Variants in RB1CC1 observed in about 807,000 individuals in gnomAD.
RB1CC1 encodes the protein RB1 inducible coiled-coil 1.
In RB1CC1, 46 loss-of-function variants were observed where a neutral mutation model predicts 177.5. The ratio of observed to expected loss-of-function variants is 0.26; its 90% CI spans 0.20 to 0.33. RB1CC1 has a LOEUF of 0.33. Among genes scored for constraint, RB1CC1 ranks in the 10% least tolerant of loss-of-function variants. RB1CC1 has a pLI of 1.00. For synonymous variants in RB1CC1, 666 were observed against 613.6 expected, an observed-to-expected ratio of 1.09 and a Z score of -1.26; for missense variants, 1,703 against 1,816.3, an observed-to-expected ratio of 0.94 and a Z score of 1.13.
chr8:52,699,979 A>T (rs1034295709), intron 1 of RB1CC1, among the ~76,000 whole-genome samples: 1 of 151,538 alleles, frequency 6.6e-6, no homozygotes, highest in African/African-American at 2.4e-5. Flanking sequence ...ATTTTATAAA[A>T]GGCTACTACA....
intron 20 of RB1CC1, among the ~76,000 whole-genome samples, chr8:52,633,422 T>A (rs1848903064): frequency 6.6e-6 from 1 of 152,176 alleles, no homozygotes; most frequent in African/African-American, 2.4e-5. Context: ...TAAAGCATAC[T>A]ACATAAAACA....
At chr8:52,692,802 C>CA (rs1441713656) in intron 1 of RB1CC1, among the ~76,000 whole-genome samples, 1 of 151,600 alleles carries the variant, frequency 6.6e-6, no homozygotes, top group African/African-American at 2.4e-5. Context: ...AAATACAATA[C>CA]AAAAAAAACC....
At chr8:52,708,590 T>C (rs1361896445) in intron 1 of RB1CC1, among the ~76,000 whole-genome samples, 1 of 152,180 alleles carries the variant, frequency 6.6e-6, no homozygotes, top group African/African-American at 2.4e-5. Flanking sequence ...TCTTCCCTTA[T>C]CACAGGTGGC....
intron 16 of RB1CC1, among the ~76,000 whole-genome samples, chr8:52,645,391 T>C (rs1849928020): frequency 6.6e-6 from 1 of 152,194 alleles, no homozygotes; most frequent in Admixed American, 6.6e-5. Flanking sequence ...CAAGATCACA[T>C]AGGTAGCGAA....
chr8:52,624,848 A>G (rs961931205), intron 22 of RB1CC1, 61 bp from the exon 23 acceptor site: 22 of 1,238,670 alleles, frequency 1.8e-5, no homozygotes, highest in Non-Finnish European at 2.3e-5. Flanking sequence ...TCATGGAAAC[A>G]TAACTGCCAG....
At chr8:52,646,731 G>T (rs1329602847) in intron 15 of RB1CC1, among the ~76,000 whole-genome samples, 1 of 152,098 alleles carries the variant, frequency 6.6e-6, no homozygotes, top group Non-Finnish European at 1.5e-5. Flanking sequence ...GATGAGAATA[G>T]GACAATGTAA....
intron 21 of RB1CC1, 74 bp from the exon 22 acceptor site, chr8:52,628,242 A>G: frequency 7.5e-7 from 1 of 1,335,630 alleles, no homozygotes; most frequent in African/African-American, 1.5e-5. Flanking sequence ...TAGCATATAT[A>G]CTTAATGCTC....
chr8:52,697,979 A>G (rs929158918), intron 1 of RB1CC1, among the ~76,000 whole-genome samples: 1 of 152,248 alleles, frequency 6.6e-6, no homozygotes, highest in African/African-American at 2.4e-5. Flanking sequence ...ACACTTTCCT[A>G]CATTTATTAG....
At chr8:52,639,399 C>G (rs1021957559) in intron 18 of RB1CC1, among the ~76,000 whole-genome samples, 3 of 152,068 alleles carry the variant, frequency 2.0e-5, no homozygotes, top group African/African-American at 7.2e-5. Flanking sequence ...CTCTGATGTA[C>G]TCTGTTAATT....
intron 19 of RB1CC1, among the ~76,000 whole-genome samples, chr8:52,635,650 T>C (rs1365846090): frequency 2.6e-5 from 4 of 152,168 alleles, no homozygotes; most frequent in South Asian, 4.1e-4. Context: ...AAGTATTTAA[T>C]ACTTTGTTTT....
intron 5 of RB1CC1, among the ~76,000 whole-genome samples, chr8:52,680,985 TGTGTGTGTG>T (rs1355428868): frequency 7.7e-5 from 10 of 129,530 alleles, no homozygotes; most frequent in South Asian, 2.8e-4. Context: ...TGTGTGTGTG[TGTGTGTGTG>T]TTTTTTTTTT....
rs780131168 is a variant in RB1CC1, at chr8:52,683,649, G to T, written c.269C>A (p.Thr90Asn). 1 of 1,612,354 alleles carries T rather than the reference G, an allele frequency of 6.2e-7. No homozygotes were observed. The highest frequency in any genetic ancestry group is 1.7e-5 in the Admixed American group (1 of 59,804). Reference protein sequence around the residue: ...LCDRPPAIPKTTFSTENDMEI... With the variant: ...LCDRPPAIPKNTFSTENDMEI... ...CATGTCATTTTCTGTCGAAAAGGTAGTTTTAGGAATAGCAGGTGGACGATC... is the reference window on the plus strand; with the variant it reads ...CATGTCATTTTCTGTCGAAAAGGTATTTTTAGGAATAGCAGGTGGACGATC... Residue 90 changes from threonine to asparagine, a missense_variant, in exon 5 of 24, where the codon ACT becomes AAT. Physicochemically the swap from Thr to Asn is moderately conservative, Grantham distance 65. Transcript: ENST00000025008.
chr8:52,645,970 T>A, intron 15 of RB1CC1, 103 bp from the exon 16 acceptor site: 1 of 1,138,890 alleles, frequency 8.8e-7, no homozygotes, highest in Non-Finnish European at 1.3e-6. Context: ...CTCAATAATG[T>A]AGCATGAAAG....
At chr8:52,666,518 C>CAAAAA (rs1158339036) in intron 8 of RB1CC1, among the ~76,000 whole-genome samples, 1 of 131,066 alleles carries the variant, frequency 7.6e-6, no homozygotes. Flanking sequence ...AACTTCCTCT[C>CAAAAA]AAAAAAAAAA....
chr8:52,682,410 G>T (rs1853836937), intron 5 of RB1CC1, among the ~76,000 whole-genome samples: 1 of 152,066 alleles, frequency 6.6e-6, no homozygotes, highest in Non-Finnish European at 1.5e-5. Flanking sequence ...AAAACAGACT[G>T]ATATAGAATG....
chr8:52,677,557 A>G (rs576985799), intron 5 of RB1CC1, among the ~76,000 whole-genome samples: 27 of 152,316 alleles, frequency 1.8e-4, no homozygotes, highest in African/African-American at 6.5e-4. Flanking sequence ...AGCTTTAAGA[A>G]GACTGATAAT....
At chr8:52,681,915 T>C (rs1454027275) in intron 5 of RB1CC1, among the ~76,000 whole-genome samples, 1 of 152,202 alleles carries the variant, frequency 6.6e-6, no homozygotes, top group South Asian at 2.1e-4. Context: ...GTTAGGGCAG[T>C]GTAGAAGGAA....
At chr8:52,633,111 C>T (rs560643306) in intron 20 of RB1CC1, among the ~76,000 whole-genome samples, 3 of 152,284 alleles carry the variant, frequency 2.0e-5, no homozygotes, top group Admixed American at 1.3e-4. Flanking sequence ...ACATCTTACA[C>T]ATACTGGTTG....
chr8:52,671,961 C>T (rs1852644240), intron 7 of RB1CC1, among the ~76,000 whole-genome samples: 1 of 152,062 alleles, frequency 6.6e-6, no homozygotes, highest in Non-Finnish European at 1.5e-5. Context: ...ACAACAATAA[C>T]CAAATACAAG....
Sources: gnomAD v4.1 joint callset for allele counts (sites outside exome capture counted in the v4.1 genomes callset) on GRCh38, gnomAD v4.1.1 for gene constraint, MANE v1.5 for transcripts, NCBI Gene and HGNC (gene_info 2026-07-23, HGNC 2026-07-21) for gene names.